Variants in CFAP299 observed in about 807,000 individuals in gnomAD.
The protein encoded by CFAP299 is cilia and flagella associated protein 299, also known as cilia- and flagella-associated protein 299.
CFAP299 carries 21 observed loss-of-function variants against 27.0 expected under a neutral mutation model. The observed-to-expected ratio is 0.78, with a 90% confidence interval of 0.55 to 1.12. The LOEUF (loss-of-function observed/expected upper bound fraction) is 1.12. CFAP299 is among the 50% of genes most tolerant of loss of function. The pLI, the probability that CFAP299 is intolerant of heterozygous loss-of-function variation, is 0.00. For missense variants in CFAP299, 310 were observed against 276.6 expected, an observed-to-expected ratio of 1.12 and a Z score of -0.86; for synonymous variants, 104 against 98.1, an observed-to-expected ratio of 1.06 and a Z score of -0.36.
At chr4:80,873,727 A>G (rs958192058) in intron 4 of CFAP299, among the ~76,000 whole-genome samples, 3 of 152,240 alleles carry the variant, frequency 2.0e-5, no homozygotes, top group South Asian at 4.1e-4. Context: ...CAACTGTACC[A>G]TGTAGAATCA....
chr4:80,722,500 C>T (rs1191682034), intron 3 of CFAP299, among the ~76,000 whole-genome samples: 2 of 151,722 alleles, frequency 1.3e-5, no homozygotes, highest in South Asian at 2.1e-4. Context: ...TTTCAAAAGA[C>T]ACTCTTAGTA....
intron 3 of CFAP299, among the ~76,000 whole-genome samples, chr4:80,784,264 A>G (rs1039694601): frequency 3.3e-5 from 5 of 152,168 alleles, no homozygotes; most frequent in Admixed American, 6.5e-5. Context: ...GCTGGGTCAT[A>G]CAGTAGTTCC....
intron 2 of CFAP299, among the ~76,000 whole-genome samples, chr4:80,416,151 C>A (rs538759729): frequency 6.6e-5 from 10 of 152,274 alleles, no homozygotes; most frequent in Middle Eastern, 3.4e-3. Context: ...CCAGGTGACA[C>A]CCATCCTGTT....
At chr4:80,963,453 A>AT in intron 5 of CFAP299, 64 bp from the exon 6 acceptor site, 3 of 994,334 alleles carry the variant, frequency 3.0e-6, no homozygotes, top group African/African-American at 7.2e-5. Context: ...AAATAAAAAA[A>AT]AAATTTTAAA....
intron 3 of CFAP299, among the ~76,000 whole-genome samples, chr4:80,597,216 A>G (rs898241801): frequency 2.0e-5 from 3 of 152,102 alleles, no homozygotes; most frequent in Non-Finnish European, 4.4e-5. Context: ...CTATTGCTTC[A>G]TGGTCTTGCT....
At chr4:80,663,549 G>T (rs1740978921) in intron 3 of CFAP299, among the ~76,000 whole-genome samples, 1 of 152,126 alleles carries the variant, frequency 6.6e-6, no homozygotes, top group African/African-American at 2.4e-5. Flanking sequence ...TGGACATTTG[G>T]GTTGGTTCCA....
chr4:80,567,757 A>G (rs1010558077), intron 2 of CFAP299, among the ~76,000 whole-genome samples: 3 of 150,910 alleles, frequency 2.0e-5, no homozygotes, highest in Non-Finnish European at 4.4e-5. Context: ...ATATAAGTAC[A>G]TAAGATTTTG....
chr4:80,497,013 A>T (rs1014054865), intron 2 of CFAP299, among the ~76,000 whole-genome samples: 3 of 152,166 alleles, frequency 2.0e-5, no homozygotes, highest in Non-Finnish European at 4.4e-5. Context: ...TAAACCATAC[A>T]TGAGGTATCT....
chr4:80,613,650 A>G (rs1253793247), intron 3 of CFAP299, among the ~76,000 whole-genome samples: 1 of 152,152 alleles, frequency 6.6e-6, no homozygotes, highest in Non-Finnish European at 1.5e-5. Flanking sequence ...TGTCACTTGC[A>G]TCAGAATCAC....
chr4:80,396,516 G>A (rs1725806399), intron 2 of CFAP299, among the ~76,000 whole-genome samples: 1 of 151,898 alleles, frequency 6.6e-6, no homozygotes, highest in African/African-American at 2.4e-5. Flanking sequence ...TGAAGGATGG[G>A]GAATATACAA....
chr4:80,703,126 T>C (rs1231690699), intron 3 of CFAP299, among the ~76,000 whole-genome samples: 2 of 151,762 alleles, frequency 1.3e-5, no homozygotes, highest in African/African-American at 4.8e-5. Flanking sequence ...ACATCTTGCT[T>C]GCTAAATTTT....
chr4:80,579,206 T>C (rs1736042501), intron 2 of CFAP299, among the ~76,000 whole-genome samples: 1 of 152,180 alleles, frequency 6.6e-6, no homozygotes, highest in African/African-American at 2.4e-5. Flanking sequence ...ATGGCCAAGA[T>C]GGCAGTTGGA....
At chr4:80,831,360 A>G (rs1730290365) in intron 3 of CFAP299, among the ~76,000 whole-genome samples, 1 of 152,144 alleles carries the variant, frequency 6.6e-6, no homozygotes, top group Non-Finnish European at 1.5e-5. Context: ...CTAGCTGCAA[A>G]TCAGAATCAC....
intron 3 of CFAP299, among the ~76,000 whole-genome samples, chr4:80,864,568 A>ATT (rs1732607306): frequency 6.7e-6 from 1 of 148,720 alleles, no homozygotes; most frequent in Non-Finnish European, 1.5e-5. Flanking sequence ...AATAACTAAA[A>ATT]CGTTTGTTTC....
intron 3 of CFAP299, among the ~76,000 whole-genome samples, chr4:80,685,825 C>G (rs1207105023): frequency 6.6e-6 from 1 of 152,198 alleles, no homozygotes; most frequent in South Asian, 2.1e-4. Context: ...TTGAAGGTCC[C>G]CATGGACCAG....
At chr4:80,588,760 GATT>G (rs1478928624) in intron 3 of CFAP299, among the ~76,000 whole-genome samples, 1 of 151,994 alleles carries the variant, frequency 6.6e-6, no homozygotes, top group East Asian at 1.9e-4. Flanking sequence ...TAATAATAAT[GATT>G]ATAATTTCAG....
At chr4:80,911,009 T>C (rs2110203304) in intron 4 of CFAP299, among the ~76,000 whole-genome samples, 1 of 152,212 alleles carries the variant, frequency 6.6e-6, no homozygotes, top group Middle Eastern at 3.4e-3. Context: ...TTTTTTCTAA[T>C]CTTTGGCTCT....
intron 4 of CFAP299, among the ~76,000 whole-genome samples, chr4:80,881,372 A>G (rs1400710799): frequency 6.6e-6 from 1 of 152,226 alleles, no homozygotes; most frequent in African/African-American, 2.4e-5. Context: ...TTGCATCATA[A>G]CAAGCACTGA....
At chr4:80,956,650 G>A (rs571742894) in intron 5 of CFAP299, among the ~76,000 whole-genome samples, 54 of 149,684 alleles carry the variant, frequency 3.6e-4, no homozygotes, top group Middle Eastern at 3.4e-3. Context: ...GTGACAGTAT[G>A]TTGCCTGGGC....
Sources: gnomAD v4.1 joint callset for allele counts (sites outside exome capture counted in the v4.1 genomes callset) on GRCh38, gnomAD v4.1.1 for gene constraint, MANE v1.5 for transcripts, NCBI Gene and HGNC (gene_info 2026-07-23, HGNC 2026-07-21) for gene names.